NELL1: variants seen among roughly 807,000 people sequenced by gnomAD.
NELL1 encodes protein kinase C-binding protein NELL1.
Under a neutral mutation model 107.4 loss-of-function variants are expected in NELL1, and 76 were observed. The ratio of observed to expected loss-of-function variants is 0.71; its 90% CI spans 0.59 to 0.86. The LOEUF (loss-of-function observed/expected upper bound fraction) is 0.86, where lower values mean the gene tolerates loss of function less well. Ranked by LOEUF, NELL1 falls within the 40% of genes least tolerant of loss-of-function variation. The pLI is 0.00. For synonymous variants in NELL1, 353 were observed against 341.2 expected, an observed-to-expected ratio of 1.03 and a Z score of -0.38; for missense variants, 1,024 against 1,005.5, an observed-to-expected ratio of 1.02 and a Z score of -0.25.
intron 12 of NELL1, among the ~76,000 whole-genome samples, chr11:21,045,314 G>A (rs1853329384): frequency 6.6e-6 from 1 of 152,128 alleles, no homozygotes; most frequent in Non-Finnish European, 1.5e-5. Flanking sequence ...AGTTGTGAAT[G>A]TCTGAAGTGG....
chr11:21,272,626 C>T (rs920951356), intron 14 of NELL1, among the ~76,000 whole-genome samples: 3 of 152,198 alleles, frequency 2.0e-5, no homozygotes, highest in African/African-American at 2.4e-5. Context: ...CTCTGACACC[C>T]GAGTAGCCTA....
intron 13 of NELL1, among the ~76,000 whole-genome samples, chr11:21,220,964 T>C (rs1204441908): frequency 1.3e-5 from 2 of 152,170 alleles, no homozygotes; most frequent in Non-Finnish European, 2.9e-5. Context: ...AGGGAAAATA[T>C]ATTTTGGCTT....
intron 3 of NELL1, among the ~76,000 whole-genome samples, chr11:20,788,733 A>T (rs1356661525): frequency 1.3e-5 from 2 of 151,254 alleles, no homozygotes; most frequent in African/African-American, 4.9e-5. Flanking sequence ...TGTGATTCTG[A>T]TGTCATATTT....
chr11:21,042,592 A>G (rs1453283986), intron 12 of NELL1, among the ~76,000 whole-genome samples: 2 of 152,078 alleles, frequency 1.3e-5, no homozygotes, highest in Non-Finnish European at 1.5e-5. Context: ...GAGAAGCCAG[A>G]AGTTGTCTCA....
At chr11:21,558,838 G>A (rs1230533622) in intron 16 of NELL1, among the ~76,000 whole-genome samples, 6 of 152,004 alleles carry the variant, frequency 3.9e-5, no homozygotes, top group Non-Finnish European at 8.8e-5. Context: ...TAGTTGAGAA[G>A]AATAAGAGAA....
At chr11:21,408,224 A>C (rs1463657899) in intron 15 of NELL1, among the ~76,000 whole-genome samples, 1 of 152,032 alleles carries the variant, frequency 6.6e-6, no homozygotes, top group Non-Finnish European at 1.5e-5. Context: ...ATGAAATTCA[A>C]CTGGCATTCT....
chr11:21,434,235 C>A (rs1853045149), intron 15 of NELL1, among the ~76,000 whole-genome samples: 1 of 152,022 alleles, frequency 6.6e-6, no homozygotes, highest in Non-Finnish European at 1.5e-5. Flanking sequence ...GTTGCCTGTA[C>A]TTCTAAAATC....
chr11:21,466,466 G>C (rs1854033444), intron 15 of NELL1, among the ~76,000 whole-genome samples: 1 of 152,194 alleles, frequency 6.6e-6, no homozygotes, highest in South Asian at 2.1e-4. Flanking sequence ...CTCACCCAGA[G>C]AGAAACAAGG....
chr11:20,824,530 G>A lies in NELL1; in HGVS notation c.336-23053G>A, dbSNP rs1018068229. ...AGACACTTGGAGGGCCCAGAAGACA[G>A]GAAGATGTGGGAAAGTTTAGAACTT... On this transcript the variant is annotated intron_variant, in intron 3 of 19. Transcript: ENST00000357134. Among the ~76,000 whole-genome samples the A allele has an allele frequency of 3.3e-5, 5 of 151,366 alleles. 1 individual carries two copies. Among genetic ancestry groups the A allele is most frequent in the Non-Finnish European group, 7.4e-5 (5 of 67,548 alleles).
chr11:21,159,328 A>G (rs960557019), intron 13 of NELL1, among the ~76,000 whole-genome samples: 1 of 152,166 alleles, frequency 6.6e-6, no homozygotes, highest in Non-Finnish European at 1.5e-5. Flanking sequence ...ATGCCTGATC[A>G]TGATAAATTT....
intron 12 of NELL1, among the ~76,000 whole-genome samples, chr11:21,055,567 T>C (rs1853591920): frequency 6.6e-6 from 1 of 152,316 alleles, no homozygotes; most frequent in East Asian, 1.9e-4. Context: ...TTCACTAATA[T>C]GAATAGAAAC....
At chr11:20,972,742 A>G (rs375184779) in intron 12 of NELL1, among the ~76,000 whole-genome samples, 3 of 127,104 alleles carry the variant, frequency 2.4e-5, no homozygotes, top group African/African-American at 1.0e-4. Context: ...TGAAATGTTG[A>G]TGAGATTTTT....
At chr11:21,559,464 G>C (rs925072834) in intron 16 of NELL1, among the ~76,000 whole-genome samples, 15 of 152,054 alleles carry the variant, frequency 9.9e-5, no homozygotes, top group African/African-American at 3.6e-4. Flanking sequence ...AGAATCGGCC[G>C]ACTGGATTTA....
At chr11:20,825,466 T>C (rs1278499979) in intron 3 of NELL1, among the ~76,000 whole-genome samples, 3 of 151,452 alleles carry the variant, frequency 2.0e-5, no homozygotes, top group Non-Finnish European at 4.4e-5. Context: ...CCCAAGGCCA[T>C]GGGAGTCCAC....
chr11:20,876,488 G>A (rs1349315190), intron 4 of NELL1, among the ~76,000 whole-genome samples: 2 of 152,270 alleles, frequency 1.3e-5, no homozygotes, highest in South Asian at 2.1e-4. Context: ...GTTCATCGCC[G>A]GGCACGGTGG....
intron 1 of NELL1, chr11:20,670,578 C>T (rs1853877346): frequency 6.6e-6 from 1 of 152,220 alleles, no homozygotes; most frequent in South Asian, 2.1e-4. Context: ...GCATCTTCTT[C>T]CTTCTGCTTC....
intron 15 of NELL1, among the ~76,000 whole-genome samples, chr11:21,524,158 A>G (rs1287290905): frequency 6.6e-6 from 1 of 152,192 alleles, no homozygotes; most frequent in Non-Finnish European, 1.5e-5. Flanking sequence ...GGAGTTAAGT[A>G]GACCTTGGTT....
At chr11:20,969,407 G>A (rs1851449318) in intron 12 of NELL1, among the ~76,000 whole-genome samples, 1 of 152,086 alleles carries the variant, frequency 6.6e-6, no homozygotes. Context: ...CACTACCAGA[G>A]GTAAATGTAT....
Position 21,528,519 on chromosome 11 carries a change from C to CACT in NELL1, c.1646-5855_1646-5854insACT, listed in dbSNP as rs34415543. On this transcript the variant is annotated intron_variant, in intron 15 of 19. Coordinates refer to ENST00000357134, the MANE Select transcript of NELL1 (RefSeq NM_006157.5). ...TCTCTTTGCACATACCCACCCCCCC[C>CACT]CCCTTTTTTTTTTTCCACAATGACT... Among the ~76,000 whole-genome samples the CACT allele has an allele frequency of 3.6e-5, 4 of 109,942 alleles. No homozygotes were observed. In the Admixed American group the frequency reaches 4.0e-4, roughly 11 times the overall value. The allele number at this position is 109,942 out of a possible 152,430, so 72.1% of individuals were successfully genotyped here. A position where few individuals can be genotyped will look rare whatever the true frequency, so the allele number is the denominator to read the frequency against.
Sources: gnomAD v4.1 joint callset for allele counts (sites outside exome capture counted in the v4.1 genomes callset) on GRCh38, gnomAD v4.1.1 for gene constraint, MANE v1.5 for transcripts, NCBI Gene and HGNC (gene_info 2026-07-23, HGNC 2026-07-21) for gene names.